The following CHSY3 variants were observed in gnomAD, a reference collection of about 807,000 sequenced individuals.
CHSY3 encodes the protein chondroitin sulfate synthase 3, also known as N-acetylgalactosaminyl-proteoglycan 3-beta-glucuronosyltransferase 3.
Under a neutral mutation model 67.2 loss-of-function variants are expected in CHSY3, and 35 were observed. The observed-to-expected ratio is 0.52, with a 90% CI of 0.40 to 0.69. The LOEUF (loss-of-function observed/expected upper bound fraction) is 0.69. Ranked by LOEUF, CHSY3 falls within the 30% of genes least tolerant of loss-of-function variation. The pLI is 0.00. For synonymous variants in CHSY3, 474 were observed against 434.7 expected (o/e 1.09, Z -1.12); for missense variants, 1,069 against 1,138.5 (o/e 0.94, Z 0.88).
At chr5:130,169,013 G>A (rs1487385567) in intron 2 of CHSY3, among the ~76,000 whole-genome samples, 1 of 152,080 alleles carries the variant, frequency 6.6e-6, no homozygotes, top group African/African-American at 2.4e-5. Flanking sequence ...AGTAGGAGAG[G>A]GAGCCAAACT....
intron 2 of CHSY3, among the ~76,000 whole-genome samples, chr5:129,991,812 A>G (rs572760148): frequency 1.3e-5 from 2 of 152,260 alleles, no homozygotes; most frequent in Admixed American, 6.6e-5. Flanking sequence ...GAATCAGGGA[A>G]GCAGATAATT....
intron 2 of CHSY3, among the ~76,000 whole-genome samples, chr5:130,020,216 G>C (rs1303427324): frequency 6.6e-6 from 1 of 151,742 alleles, no homozygotes; most frequent in Non-Finnish European, 1.5e-5. Flanking sequence ...TCAGGAGTTA[G>C]AGACCAGCCT....
At position 129,904,538 on chromosome 5, in the gene CHSY3, C is replaced by T. The variant is rs1280341522; in HGVS notation, c.-292C>T. 6.1e-6 allele frequency: 2 copies of T among 329,226 alleles called. No individual in the cohort carries two copies. The highest frequency in any genetic ancestry group is 5.2e-6 in the Non-Finnish European group (1 of 190,986). 20.4% of individuals were successfully genotyped at this position (329,226 alleles called of 1,614,324 possible). On this transcript the variant is annotated 5_prime_UTR_variant, in exon 1 of 3. Coordinates refer to ENST00000305031, the MANE Select transcript of CHSY3 (RefSeq NM_175856.5). ...TCCTCCTCCTCCTCCTGCAGCTCCT[C>T]CAGCTGCCGCTGCTGCCGCCGCTGC...
At chr5:130,002,552 C>G (rs942214009) in intron 2 of CHSY3, among the ~76,000 whole-genome samples, 1 of 151,896 alleles carries the variant, frequency 6.6e-6, no homozygotes, top group Admixed American at 6.6e-5. Flanking sequence ...TCCAGGAAAC[C>G]ACAGTACTCA....
At chr5:130,125,047 G>A (rs917075367) in intron 2 of CHSY3, among the ~76,000 whole-genome samples, 1 of 152,156 alleles carries the variant, frequency 6.6e-6, no homozygotes, top group Non-Finnish European at 1.5e-5. Flanking sequence ...TTGAGAGGCC[G>A]ATGGGGGAGA....
chr5:130,178,251 A>ATT (rs1298647034), intron 2 of CHSY3, among the ~76,000 whole-genome samples: 633 of 62,704 alleles, frequency 0.01, 9 homozygotes, highest in Middle Eastern at 0.02. Context: ...ATATATATAT[A>ATT]TATTTTTTTT....
At chr5:129,978,599 T>C (rs1037014221) in intron 2 of CHSY3, among the ~76,000 whole-genome samples, 1 of 152,136 alleles carries the variant, frequency 6.6e-6, no homozygotes, top group Non-Finnish European at 1.5e-5. Flanking sequence ...TCAAGGACTT[T>C]CCAATATATC....
intron 2 of CHSY3, among the ~76,000 whole-genome samples, chr5:129,965,437 C>T (rs548798945): frequency 1.3e-5 from 2 of 152,048 alleles, no homozygotes; most frequent in South Asian, 2.1e-4. Context: ...TTTGCTTTAA[C>T]TGTCAGTCCT....
At chr5:130,161,695 T>A (rs1279615901) in intron 2 of CHSY3, among the ~76,000 whole-genome samples, 2 of 152,168 alleles carry the variant, frequency 1.3e-5, no homozygotes, top group Non-Finnish European at 2.9e-5. Context: ...ATGTTTATTC[T>A]ATCTTATCAC....
chr5:130,082,845 G>A (rs1427977218), intron 2 of CHSY3, among the ~76,000 whole-genome samples: 1 of 151,408 alleles, frequency 6.6e-6, no homozygotes, highest in Non-Finnish European at 1.5e-5. Context: ...AAATGTTGGA[G>A]CACTATATAT....
chr5:130,082,895 C>CAT (rs1306927138), intron 2 of CHSY3, among the ~76,000 whole-genome samples: 1 of 151,132 alleles, frequency 6.6e-6, no homozygotes, highest in Non-Finnish European at 1.5e-5. Context: ...CACACACACA[C>CAT]ATATATATAT....
intron 2 of CHSY3, among the ~76,000 whole-genome samples, chr5:130,134,982 G>T (rs1471658427): frequency 6.6e-6 from 1 of 151,634 alleles, no homozygotes; most frequent in Non-Finnish European, 1.5e-5. Context: ...TATCTTTCGA[G>T]ACATATTATT....
At chr5:130,014,770 GA>G (rs1324983711) in intron 2 of CHSY3, among the ~76,000 whole-genome samples, 1 of 152,078 alleles carries the variant, frequency 6.6e-6, no homozygotes, top group African/African-American at 2.4e-5. Context: ...AAAATTCCAG[GA>G]AATACTATTC....
At chr5:130,088,912 C>T (rs1433032950) in intron 2 of CHSY3, among the ~76,000 whole-genome samples, 1 of 152,056 alleles carries the variant, frequency 6.6e-6, no homozygotes, top group Non-Finnish European at 1.5e-5. Context: ...GCTATAAAGA[C>T]ACACGCACAC....
At position 130,184,214 on chromosome 5, in the gene CHSY3, A is replaced by C; in HGVS notation, c.1087-15A>C. ...TTTTAAAATTAACCCTGATTTTTTT[A>C]ATTTTACTTTTCAGATGCAACAACT... On this transcript the variant is annotated splice_polypyrimidine_tract_variant and intron_variant, in intron 2 of 2. Coordinates refer to ENST00000305031, the MANE Select transcript of CHSY3 (RefSeq NM_175856.5). 1 of 1,453,370 alleles carries C rather than the reference A, an allele frequency of 6.9e-7. No individual in the cohort carries two copies. The highest frequency in any genetic ancestry group is 2.5e-5 in the Admixed American group (1 of 39,332). 90.0% of individuals were successfully genotyped at this position (1,453,370 alleles called of 1,614,324 possible).
chr5:130,121,621 A>G (rs1297206557), intron 2 of CHSY3, among the ~76,000 whole-genome samples: 1 of 152,082 alleles, frequency 6.6e-6, no homozygotes, highest in African/African-American at 2.4e-5. Context: ...GTACTCTGAG[A>G]TTTATGTAAT....
intron 2 of CHSY3, among the ~76,000 whole-genome samples, chr5:129,932,138 A>G (rs60030554): frequency 9.2e-6 from 1 of 109,048 alleles, no homozygotes; most frequent in African/African-American, 3.2e-5. Context: ...ATATATATAT[A>G]TATATGTATA....
intron 2 of CHSY3, among the ~76,000 whole-genome samples, chr5:129,935,552 A>G (rs1427393312): frequency 6.6e-6 from 1 of 152,208 alleles, no homozygotes; most frequent in African/African-American, 2.4e-5. Flanking sequence ...CAACAGGGAT[A>G]ACAAATAGTT....
chr5:130,016,298 C>A (rs1467764571), intron 2 of CHSY3, among the ~76,000 whole-genome samples: 2 of 152,148 alleles, frequency 1.3e-5, no homozygotes, highest in Non-Finnish European at 2.9e-5. Flanking sequence ...ATAAGGCTAT[C>A]CATATTGTAT....
Sources: gnomAD v4.1 joint callset for allele counts (sites outside exome capture counted in the v4.1 genomes callset) on GRCh38, gnomAD v4.1.1 for gene constraint, MANE v1.5 for transcripts, NCBI Gene and HGNC (gene_info 2026-07-23, HGNC 2026-07-21) for gene names.